Variants in DDX42 observed in about 807,000 individuals in gnomAD.
DDX42 encodes the protein DEAD-box helicase 42, also known as ATP-dependent RNA helicase DDX42.
A neutral mutation model predicts 101.5 loss-of-function variants in DDX42; 22 were observed. That is an observed-to-expected ratio of 0.22 (90% CI 0.15 to 0.31). The LOEUF is 0.31. DDX42 is among the 10% of genes least tolerant of loss of function. The pLI is 1.00. For synonymous variants in DDX42, 402 were observed against 401.2 expected (o/e 1.00, Z -0.02); for missense variants, 849 against 1,199.9 (o/e 0.71, Z 4.32).
At chr17:63,776,323 C>T (rs1338586746) in intron 1 of DDX42, 1 of 152,330 alleles carries the variant, frequency 6.6e-6, no homozygotes, top group Non-Finnish European at 1.5e-5. Context: ...CCTGGAATGT[C>T]TTCGTCTGCA....
chr17:63,813,331 T>C lies in DDX42; in HGVS notation c.1779T>C (p.Gly593=). 6.2e-7 allele frequency: 1 copy of C among 1,614,076 alleles called. No homozygotes were observed. Among genetic ancestry groups the C allele is most frequent in the South Asian group, 1.1e-5 (1 of 91,076 alleles). The part of the protein sequence containing the change: ...THRIGRTGRA[G]EKGVAYTLLT... Reference sequence around the variant, plus strand: ...GGATTGGCCGCACAGGAAGAGCGGGTGAGAAAGGTGTGGCCTATACCCTAC... The same window carrying C: ...GGATTGGCCGCACAGGAAGAGCGGGCGAGAAAGGTGTGGCCTATACCCTAC... Residue 593 remains glycine (G), a synonymous_variant, in exon 15 of 18, where the codon GGT becomes GGC. Transcript: ENST00000389924.
At chr17:63,788,315 T>G (rs1325591269) in intron 2 of DDX42, among the ~76,000 whole-genome samples, 1 of 149,668 alleles carries the variant, frequency 6.7e-6, no homozygotes, top group African/African-American at 2.5e-5. Flanking sequence ...TGAGTCTTTT[T>G]TTTTTTTTTT....
chr17:63,801,197 C>T (rs1394123372), intron 6 of DDX42, among the ~76,000 whole-genome samples: 1 of 151,736 alleles, frequency 6.6e-6, no homozygotes, highest in Non-Finnish European at 1.5e-5. Flanking sequence ...TTACAGGTGC[C>T]CACTACCATG....
intron 1 of DDX42, 80 bp from the exon 2 acceptor site, chr17:63,786,954 G>A: frequency 6.9e-7 from 1 of 1,442,814 alleles, no homozygotes; most frequent in Middle Eastern, 2.0e-4. Flanking sequence ...GGGATTACAG[G>A]CGTGACCCAC....
intron 3 of DDX42, among the ~76,000 whole-genome samples, chr17:63,796,606 G>T (rs2039696022): frequency 6.6e-6 from 1 of 152,288 alleles, no homozygotes; most frequent in African/African-American, 2.4e-5. Context: ...GTGAGCCACC[G>T]CACCCGGCCC....
At chr17:63,795,335 T>A (rs1199263371) in intron 3 of DDX42, among the ~76,000 whole-genome samples, 1 of 152,302 alleles carries the variant, frequency 6.6e-6, no homozygotes, top group East Asian at 1.9e-4. Flanking sequence ...TAGCACCATT[T>A]GTCATTTCTC....
chr17:63,774,194 G>C lies in DDX42; in HGVS notation c.-199G>C, dbSNP rs1286753587. 3.4e-6 allele frequency: 1 copy of C among 294,644 alleles called. No homozygotes were observed. Among genetic ancestry groups the C allele is most frequent in the Non-Finnish European group, 6.2e-6 (1 of 162,102 alleles). The allele number at this position is 294,644 out of a possible 1,614,324, so 18.3% of individuals were successfully genotyped here. A position where few individuals can be genotyped will look rare whatever the true frequency, so the allele number is the denominator to read the frequency against. On this transcript the variant is annotated 5_prime_UTR_variant, in exon 1 of 18. Transcript: ENST00000389924. ...TGTTCCCCTCCCCCCTTCAGCAACG[G>C]GCCGTGAGGCGGTGGCGGTGGTGGC...
At chr17:63,775,332 G>A (rs910892567) in intron 1 of DDX42, among the ~76,000 whole-genome samples, 18 of 151,950 alleles carry the variant, frequency 1.2e-4, no homozygotes, top group African/African-American at 3.6e-4. Flanking sequence ...ATTCTCTAGC[G>A]CCGTTCTAGG....
chr17:63,815,727 G>A lies in DDX42; in HGVS notation c.2013+54G>A, dbSNP rs546569012. 5.0e-5 allele frequency: 64 copies of A among 1,271,708 alleles called. No homozygotes were observed. The African/African-American group carries it at 6.7e-4, about 13-fold the overall frequency. The allele number at this position is 1,271,708 out of a possible 1,614,324, so 78.8% of individuals were successfully genotyped here. The stretch of plus-strand genomic sequence containing the variant: ...TTATAGTTGGTCTCATGTCCTGAAA[G>A]TCATTAGGAATATTCTCATCTACCC... On this transcript the variant is annotated intron_variant, in intron 16 of 17. Transcript: ENST00000389924.
chr17:63,779,418 C>G (rs1598320219), intron 1 of DDX42, among the ~76,000 whole-genome samples: 1 of 152,110 alleles, frequency 6.6e-6, no homozygotes, highest in Admixed American at 6.5e-5. Context: ...TGCACACCAC[C>G]ACACCTGGGT....
At chr17:63,788,505 A>C (rs968663690) in intron 2 of DDX42, among the ~76,000 whole-genome samples, 3 of 150,798 alleles carry the variant, frequency 2.0e-5, no homozygotes, top group African/African-American at 7.4e-5. Context: ...ACGGGGTTTC[A>C]CCGTGTTAGC....
rs2039715431 is a variant in DDX42, at chr17:63,798,107, G to A, written c.434+8G>A. On this transcript the variant is annotated splice_region_variant and intron_variant, in intron 4 of 17. Transcript: ENST00000389924. Reference sequence around the variant, plus strand: ...GGAAAGAAAAAACGTAAAGTAAGTTGTTTTCTTCTCCCTCACAAAGGTTAC... The same window carrying A: ...GGAAAGAAAAAACGTAAAGTAAGTTATTTTCTTCTCCCTCACAAAGGTTAC... 2 of 1,612,624 alleles carry A rather than the reference G, an allele frequency of 1.2e-6. No homozygotes were observed. Among genetic ancestry groups the A allele is most frequent in the South Asian group, 2.2e-5 (2 of 90,866 alleles).
In DDX42 at chr17:63,800,343, A is replaced by G. The variant is rs917078032; in HGVS notation, c.472-125A>G. ...ATTAAAGGAATCATTGCTAGTAAGG[A>G]TCTTGCCTTACTTGGTAGGTATGTT... On this transcript the variant is annotated intron_variant, in intron 5 of 17. Coordinates refer to ENST00000389924, the MANE Select transcript of DDX42 (RefSeq NM_203499.3). 9.5e-6 allele frequency: 7 copies of G among 739,748 alleles called. 1 individual carries two copies. In the Admixed American group the frequency reaches 1.9e-4, roughly 20 times the overall value. 45.8% of individuals were successfully genotyped at this position (739,748 alleles called of 1,614,324 possible).
intron 1 of DDX42, 176 bp downstream of exon 1, chr17:63,774,552 T>G (rs1265818014): frequency 1.2e-5 from 2 of 163,594 alleles, no homozygotes; most frequent in Non-Finnish European, 1.3e-5. Context: ...CTGAGGCCTC[T>G]AGGGTTCCTT....
intron 12 of DDX42, among the ~76,000 whole-genome samples, 187 bp downstream of exon 12, chr17:63,810,747 A>C (rs545997800): frequency 6.6e-6 from 1 of 152,184 alleles, no homozygotes; most frequent in Non-Finnish European, 1.5e-5. Context: ...GTTCCTTTTT[A>C]TAGATGATAA....
At chr17:63,809,494 A>C in intron 10 of DDX42, 66 bp from the exon 11 acceptor site, 1 of 1,339,588 alleles carries the variant, frequency 7.5e-7, no homozygotes, top group Non-Finnish European at 1.1e-6. Flanking sequence ...CCAGGAGTGC[A>C]ACTGCTTAGA....
intron 17 of DDX42, chr17:63,817,218 T>C (rs2584628): frequency 0.36 from 162,017 of 453,400 alleles, 30,984 homozygotes; most frequent in South Asian, 0.55. Flanking sequence ...CAGCAGGGTG[T>C]GTGTTCCCTC....
chr17:63,802,183 A>G (rs769514017), intron 6 of DDX42, among the ~76,000 whole-genome samples: 6 of 152,204 alleles, frequency 3.9e-5, no homozygotes, highest in Non-Finnish European at 7.3e-5. Flanking sequence ...CATTGCAGTT[A>G]AAAAGAAAAA....
In DDX42 at chr17:63,817,786, G is replaced by A. The variant is rs1040191136; in HGVS notation, c.2205G>A (p.Gly735=). ...AAGASGWTSA[G]SLNSVPTNSA... The stretch of plus-strand genomic sequence containing the variant: ...GGGCAAGTGGGTGGACTAGTGCAGG[G>A]AGCTTGAATTCTGTTCCAACTAACT... Residue 735 remains glycine (G), a synonymous_variant, in exon 18 of 18, where the codon GGG becomes GGA. Transcript: ENST00000389924. The A allele has an allele frequency of 6.2e-7, 1 of 1,614,202 alleles. No individual in the cohort carries two copies. The highest frequency in any genetic ancestry group is 8.5e-7 in the Non-Finnish European group (1 of 1,180,044).
Sources: allele counts gnomAD v4.1 joint callset (sites outside exome capture counted in the v4.1 genomes callset), GRCh38; gene constraint gnomAD v4.1.1; transcripts MANE v1.5; gene names NCBI Gene and HGNC (gene_info 2026-07-23, HGNC 2026-07-21).